Variants in FGGY observed in about 807,000 individuals in gnomAD.
The protein encoded by FGGY is FGGY carbohydrate kinase domain-containing protein.
FGGY carries 72 observed loss-of-function variants against 71.3 expected under a neutral mutation model. The observed-to-expected ratio is 1.01, with a 90% confidence interval of 0.84 to 1.23. FGGY has a LOEUF of 1.23. Among genes scored for constraint, FGGY ranks in the 50% most tolerant of loss-of-function variants. FGGY has a pLI of 0.00. For synonymous variants in FGGY, 251 were observed against 250.3 expected (o/e 1.00, Z -0.02); for missense variants, 668 against 682.3 (o/e 0.98, Z 0.23).
intron 2 of FGGY, among the ~76,000 whole-genome samples, chr1:59,329,104 A>AG (rs145583168): frequency 0.011 from 1,716 of 152,308 alleles, 19 homozygotes; most frequent in African/African-American, 0.039. Context: ...TTTGTAAAAA[A>AG]CACAATCTGC....
Position 59,741,621 on chromosome 1 carries a change from T to A in FGGY, c.1513-16310T>A, listed in dbSNP as rs147843256. ...AAATTCAAGACCAACCTGGGTAACATAGTGAGACACTTTCTCTAATAATAA... is the reference window on the plus strand; with the variant it reads ...AAATTCAAGACCAACCTGGGTAACAAAGTGAGACACTTTCTCTAATAATAA... On this transcript the variant is annotated intron_variant, in intron 14 of 15. Transcript: ENST00000303721. Among the ~76,000 whole-genome samples the A allele has an allele frequency of 1.3e-3, 203 of 152,190 alleles. 2 individuals carry two copies. Among genetic ancestry groups the A allele is most frequent in the Admixed American group, 0.012 (189 of 15,286 alleles).
rs1035177752 is a variant in FGGY at position 59,418,677 on chromosome 1, A to G, written c.555-38284A>G. 1.4e-4 allele frequency among the ~76,000 whole-genome samples: 22 copies of G among 152,304 alleles called. No homozygotes were observed. In the East Asian group the frequency reaches 3.3e-3, roughly 23 times the overall value. On this transcript the variant is annotated intron_variant, in intron 5 of 15. Coordinates refer to ENST00000303721, the MANE Select transcript of FGGY (RefSeq NM_018291.5). ...GAAGCATGTGAAGTTACAGCAACCCATTTGAGAACAAAAGGATGGCAGTTT... is the reference window on the plus strand; with the variant it reads ...GAAGCATGTGAAGTTACAGCAACCCGTTTGAGAACAAAAGGATGGCAGTTT...
chr1:59,741,485 T>C (rs1448490259), intron 14 of FGGY, among the ~76,000 whole-genome samples: 1 of 152,204 alleles, frequency 6.6e-6, no homozygotes, highest in African/African-American at 2.4e-5. Flanking sequence ...CTGTATAGCC[T>C]GCAGAACCAT....
At chr1:59,607,764 G>A in intron 8 of FGGY, 39 bp from the exon 9 acceptor site, 2 of 1,517,988 alleles carry the variant, frequency 1.3e-6, no homozygotes, top group Non-Finnish European at 1.8e-6. Flanking sequence ...CTACCCCTGA[G>A]AGTCAATGTT....
chr1:59,554,416 C>T (rs1368540961), intron 8 of FGGY, among the ~76,000 whole-genome samples, 189 bp downstream of exon 8: 1 of 152,170 alleles, frequency 6.6e-6, no homozygotes, highest in African/African-American at 2.4e-5. Context: ...GGATCTTTTT[C>T]CAGGGGCCAA....
At chr1:59,753,971 C>G (rs1308044325) in intron 14 of FGGY, among the ~76,000 whole-genome samples, 1 of 152,090 alleles carries the variant, frequency 6.6e-6, no homozygotes, top group Admixed American at 6.6e-5. Context: ...ATTCAAATAT[C>G]AAAGAATATG....
chr1:59,322,246 A>G (rs1363346089), intron 2 of FGGY, among the ~76,000 whole-genome samples: 1 of 151,778 alleles, frequency 6.6e-6, no homozygotes, highest in African/African-American at 2.4e-5. Context: ...AGGCAGGACT[A>G]GAACAAAGCA....
intron 2 of FGGY, among the ~76,000 whole-genome samples, chr1:59,330,560 C>A (rs533470311): frequency 6.9e-6 from 1 of 145,954 alleles, no homozygotes; most frequent in South Asian, 2.3e-4. Context: ...CAAAGCAAGA[C>A]TCCATCTCAA....
intron 5 of FGGY, among the ~76,000 whole-genome samples, chr1:59,452,663 A>G (rs74520252): frequency 0.012 from 1,775 of 152,310 alleles, 32 homozygotes; most frequent in African/African-American, 0.04. Context: ...TCTATTCTGC[A>G]TTAACAAGTC....
chr1:59,330,442 G>A (rs894025411), intron 2 of FGGY, among the ~76,000 whole-genome samples: 13 of 151,894 alleles, frequency 8.6e-5, no homozygotes, highest in South Asian at 4.2e-4. Flanking sequence ...GGTGGTGTGC[G>A]CCTGTAATCC....
intron 1 of FGGY, among the ~76,000 whole-genome samples, chr1:59,313,568 T>TCACACACACACACACG (rs2044771663): frequency 6.6e-6 from 1 of 151,042 alleles, no homozygotes. Flanking sequence ...GATATATGTA[T>TCACACACACACACACG]CACACACACA....
intron 4 of FGGY, among the ~76,000 whole-genome samples, chr1:59,372,825 T>C (rs1384511825): frequency 6.6e-6 from 1 of 151,980 alleles, no homozygotes; most frequent in Non-Finnish European, 1.5e-5. Flanking sequence ...ATTATCTCAA[T>C]AGATGCAGAA....
At chr1:59,440,219 G>A (rs1261767877) in intron 5 of FGGY, among the ~76,000 whole-genome samples, 2 of 151,860 alleles carry the variant, frequency 1.3e-5, no homozygotes, top group Non-Finnish European at 2.9e-5. Context: ...AAAACACATG[G>A]TAATTCTAAA....
At chr1:59,437,601 G>C (rs1361174802) in intron 5 of FGGY, among the ~76,000 whole-genome samples, 1 of 152,188 alleles carries the variant, frequency 6.6e-6, no homozygotes, top group Non-Finnish European at 1.5e-5. Context: ...TATTAACACT[G>C]ATATTATAAA....
intron 10 of FGGY, among the ~76,000 whole-genome samples, chr1:59,629,180 C>T (rs1233635763): frequency 6.6e-6 from 1 of 151,868 alleles, no homozygotes; most frequent in East Asian, 1.9e-4. Context: ...CAAACCTGTA[C>T]ATTGTGTACA....
intron 5 of FGGY, among the ~76,000 whole-genome samples, chr1:59,426,865 A>G (rs1394504203): frequency 1.0e-5 from 1 of 95,724 alleles, no homozygotes; most frequent in Non-Finnish European, 2.3e-5. Context: ...ACTGAAAAAA[A>G]AAAAAAAACT....
At chr1:59,314,417 C>G (rs2045017970) in intron 1 of FGGY, among the ~76,000 whole-genome samples, 1 of 152,280 alleles carries the variant, frequency 6.6e-6, no homozygotes, top group African/African-American at 2.4e-5. Context: ...TTCTGTGCCT[C>G]CCAGTGCCAT....
In FGGY at chr1:59,576,830, C is replaced by T. The variant is rs563931494; in HGVS notation, c.903+22603C>T. On this transcript the variant is annotated intron_variant, in intron 8 of 15. Coordinates refer to ENST00000303721, the MANE Select transcript of FGGY (RefSeq NM_018291.5). ...ATAGTCCCATTCCATGGCCATGGAG[C>T]TCTGTCACTATACTGTGAACTTCTC... 6.0e-4 allele frequency among the ~76,000 whole-genome samples: 91 copies of T among 152,174 alleles called. 2 individuals are homozygous for T. The highest frequency in any genetic ancestry group is 5.2e-3 in the Admixed American group (79 of 15,280).
At chr1:59,609,982 A>T (rs1278181626) in intron 9 of FGGY, among the ~76,000 whole-genome samples, 3 of 152,234 alleles carry the variant, frequency 2.0e-5, no homozygotes, top group Non-Finnish European at 4.4e-5. Flanking sequence ...AAAAGTTGAG[A>T]AGGAAGACAT....
Sources: allele counts gnomAD v4.1 joint callset (sites outside exome capture counted in the v4.1 genomes callset), GRCh38; gene constraint gnomAD v4.1.1; transcripts MANE v1.5; gene names NCBI Gene and HGNC (gene_info 2026-07-23, HGNC 2026-07-21).